Variants in P3H4 observed in about 807,000 individuals in gnomAD.
P3H4 encodes the protein prolyl 3-hydroxylase family member 4 (inactive), also known as endoplasmic reticulum protein SC65.
P3H4 carries 47 observed loss-of-function variants against 52.9 expected under a neutral mutation model. The ratio of observed to expected loss-of-function variants is 0.89; its 90% CI spans 0.70 to 1.13. The LOEUF is 1.13. P3H4 is among the 50% of genes most tolerant of loss of function. The probability of loss-of-function intolerance (pLI) is 0.00; values close to 1 mark genes in which losing one functional copy is unlikely to be tolerated. For missense variants in P3H4, 585 were observed against 611.0 expected (o/e 0.96, Z 0.45); for synonymous variants, 256 against 267.9 (o/e 0.96, Z 0.44).
intron 3 of P3H4, 52 bp from the exon 4 acceptor site, chr17:41,809,886 T>TC (rs1351543698): frequency 3.2e-6 from 5 of 1,583,320 alleles, no homozygotes; most frequent in Non-Finnish European, 4.3e-6. Context: ...AACATCTCCG[T>TC]CCCCCCAGTG....
In P3H4 at chr17:41,806,813, G is replaced by A. The variant is rs200185932; in HGVS notation, c.1129C>T (p.Leu377=). ...GCACTCACCTCATCATCTGACTGCA[G>A]GTACATGTGGGTGAACTCCAGCAGC... is the stretch of plus-strand genomic sequence containing the variant. ...RELLEFTHMY[L]QSDDEMELEE... is the part of the protein sequence containing the mutation. The change falls in exon 6 of 8, where the codon CTG becomes TTG. Residue 377 remains leucine, a synonymous_variant. Coordinates refer to ENST00000393928, the MANE Select transcript of P3H4 (RefSeq NM_006455.3). 2.1e-5 allele frequency: 34 copies of A among 1,613,654 alleles called. No homozygotes were observed. The highest frequency in any genetic ancestry group is 2.8e-5 in the Non-Finnish European group (33 of 1,179,854).
rs139455189 is a variant in P3H4 at position 41,806,686 on chromosome 17, G to A, written c.1146+110C>T. 2,090 of 858,634 alleles carry A rather than the reference G, an allele frequency of 2.4e-3. 19 individuals carry two copies. The highest frequency in any genetic ancestry group is 0.018 in the Middle Eastern group (74 of 4,022). 53.2% of individuals were successfully genotyped at this position (858,634 alleles called of 1,614,324 possible). A position where few individuals can be genotyped will look rare whatever the true frequency, so the allele number is the denominator to read the frequency against. On this transcript the variant is annotated intron_variant, in intron 6 of 7. Coordinates refer to ENST00000393928, the MANE Select transcript of P3H4 (RefSeq NM_006455.3). ...GAACAGGCAAACCTCTCTTCTTCAC[G>A]ACAGCTGACCACCAGGGGCTGGGGC...
At position 41,809,782 on chromosome 17, in the gene P3H4, G is replaced by A; in HGVS notation, c.840C>T (p.Thr280=). The A allele has an allele frequency of 2.5e-6, 4 of 1,613,860 alleles. No individual in the cohort carries two copies. The highest frequency in any genetic ancestry group is 3.4e-6 in the Non-Finnish European group (4 of 1,179,946). ...CCACGAAGTAGCCACCCACATTGGG[G>A]GTCAAATTGGCCTCACAGTCCACCT... is the stretch of plus-strand genomic sequence containing the variant. ...QCKVDCEANL[T]PNVGGYFVDK... Residue 280 remains threonine, a synonymous_variant, in exon 4 of 8, where the codon ACC becomes ACT. Transcript: ENST00000393928.
Position 41,810,970 on chromosome 17 carries a change from A to G in P3H4, c.680T>C (p.Met227Thr). The G allele has an allele frequency of 1.9e-6, 3 of 1,614,082 alleles. No homozygotes were observed. In the South Asian group the frequency reaches 3.3e-5, roughly 18 times the overall value. The change falls in exon 3 of 8, where the codon ATG (methionine) becomes ACG (threonine). Residue 227 changes from methionine (M) to threonine (T), a missense_variant. Physicochemically the swap from Met to Thr is moderately conservative, Grantham distance 81 (BLOSUM62 -1). Coordinates refer to ENST00000393928, the MANE Select transcript of P3H4 (RefSeq NM_006455.3). Reference protein sequence around the residue: ...SGDFRSSTEDMERALSEYLAV... With the variant: ...SGDFRSSTEDTERALSEYLAV... ...CAGGTACTCTGACAAGGCCCGCTCC[A>G]TGTCCTCCGTGCTGCTGCGGAAATC...
chr17:41,811,416 A>G lies in P3H4; in HGVS notation c.462+38T>C. The G allele has an allele frequency of 6.2e-7, 1 of 1,609,310 alleles. No homozygotes were observed. The highest frequency in any genetic ancestry group is 8.5e-7 in the Non-Finnish European group (1 of 1,177,688). ...CGATCTGTGGGGAGCCACGACGCCCAGCCCGAGACAGGTCCCCGGGTGGGG... is the reference window on the plus strand; with the variant it reads ...CGATCTGTGGGGAGCCACGACGCCCGGCCCGAGACAGGTCCCCGGGTGGGG... On this transcript the variant is annotated intron_variant, in intron 1 of 7. Transcript: ENST00000393928. The surrounding 1 kb of genome is among the most constrained non-coding windows in gnomAD (Gnocchi z 4.8).
At position 41,811,540 on chromosome 17, in the gene P3H4, A is replaced by G; in HGVS notation, c.376T>C (p.Phe126Leu). Residue 126 changes from phenylalanine to leucine, a missense_variant, in exon 1 of 8, where the codon TTC becomes CTC. Coordinates refer to ENST00000393928, the MANE Select transcript of P3H4 (RefSeq NM_006455.3). The surrounding 1 kb of genome is among the most constrained non-coding windows in gnomAD (Gnocchi z 4.8). ...TGCCGCGGCGGGTAGGGCACCTGGAAGGCGGGCAGCGTCCGCTTGCAGCGC... is the reference window on the plus strand; with the variant it reads ...TGCCGCGGCGGGTAGGGCACCTGGAGGGCGGGCAGCGTCCGCTTGCAGCGC... ...LRRCKRTLPA[F>L]QVPYPPRQLL... 6.2e-7 allele frequency: 1 copy of G among 1,610,570 alleles called. No homozygotes were observed. The highest frequency in any genetic ancestry group is 8.5e-7 in the Non-Finnish European group (1 of 1,179,178).
At chr17:41,803,208 A>T (rs1444527734) in intron 7 of P3H4, 79 bp downstream of exon 7, 1 of 1,542,238 alleles carries the variant, frequency 6.5e-7, no homozygotes, top group Non-Finnish European at 8.7e-7. Context: ...TGGGCTCCGG[A>T]GCCCAGCGGG....
rs1555613705 is a variant in P3H4 at position 41,802,979 on chromosome 17, T to C, written c.1292A>G (p.Glu431Gly). Residue 431 changes from glutamate to glycine, a missense_variant and splice_region_variant, in exon 8 of 8, where the codon GAG (glutamate) becomes GGG (glycine). Physicochemically the swap from Glu to Gly is moderately conservative, Grantham distance 98. Transcript: ENST00000393928. ...TTCTCATGCGAGTTCAGGCTCTGGC[T>C]CTGAAAAGGAAAGGAGAAAGCACTG... The part of the protein sequence containing the change: ...PDAKGDEAEA[E>G]PEPELA 1 of 1,610,786 alleles carries C rather than the reference T, an allele frequency of 6.2e-7. No individual in the cohort carries two copies. The highest frequency in any genetic ancestry group is 1.1e-5 in the South Asian group (1 of 90,564).
At chr17:41,805,743 G>C (rs117605968) in intron 6 of P3H4, among the ~76,000 whole-genome samples, 1 of 152,188 alleles carries the variant, frequency 6.6e-6, no homozygotes, top group Non-Finnish European at 1.5e-5. Flanking sequence ...CACCCAACTG[G>C]TAAGTAATGG....
In P3H4 at chr17:41,811,688, G is replaced by T. The variant is rs782292684; in HGVS notation, c.228C>A (p.Cys76Ter). 1.1e-4 allele frequency: 157 copies of T among 1,452,022 alleles called. No homozygotes were observed. Among genetic ancestry groups the T allele is most frequent in the Non-Finnish European group, 1.3e-4 (149 of 1,113,964 alleles). The allele number at this position is 1,452,022 out of a possible 1,614,324, so 89.9% of individuals were successfully genotyped here. ...HRLLRDSEAF[C>*]HANCSGPAPA... ...GCGCGGGGCCGCTGCAGTTGGCGTG[G>T]CAGAAGGCCTCGCTGTCGCGCAGGA... Residue 76 changes from cysteine to a stop codon, truncating the protein, a stop_gained, in exon 1 of 8, where the codon TGC becomes TGA. Transcript: ENST00000393928. LOFTEE classifies it high-confidence loss of function. This position sits in a 1 kb window ranked among gnomAD's most constrained non-coding sequence, Gnocchi z 4.8.
In P3H4 at chr17:41,811,313, G is replaced by A. The variant is rs2047733540; in HGVS notation, c.463-29C>T. Reference sequence around the variant, plus strand: ...GTCGGGGGGTAGGGGGTGGGGGAGCGGGTCAGCAAGACCGGAGCTCGCGGC... The same window carrying A: ...GTCGGGGGGTAGGGGGTGGGGGAGCAGGTCAGCAAGACCGGAGCTCGCGGC... On this transcript the variant is annotated intron_variant, in intron 1 of 7. Coordinates refer to ENST00000393928, the MANE Select transcript of P3H4 (RefSeq NM_006455.3). The surrounding 1 kb of genome is among the most constrained non-coding windows in gnomAD (Gnocchi z 4.8). 2 of 1,610,730 alleles carry A rather than the reference G, an allele frequency of 1.2e-6. No homozygotes were observed. The highest frequency in any genetic ancestry group is 2.2e-5 in the South Asian group (2 of 91,020).
In P3H4 at chr17:41,811,704, T is replaced by C. The variant is rs2144034995; in HGVS notation, c.212A>G (p.Asp71Gly). ...AALRLHRLLRDSEAFCHANCS... is the reference protein window; with the variant it reads ...AALRLHRLLRGSEAFCHANCS... ...GTTGGCGTGGCAGAAGGCCTCGCTGTCGCGCAGGAGCCGGTGCAGCCGCAG... is the reference window on the plus strand; with the variant it reads ...GTTGGCGTGGCAGAAGGCCTCGCTGCCGCGCAGGAGCCGGTGCAGCCGCAG... The change falls in exon 1 of 8, where the codon GAC becomes GGC. Residue 71 changes from aspartate (D) to glycine (G), a missense_variant. Coordinates refer to ENST00000393928, the MANE Select transcript of P3H4 (RefSeq NM_006455.3). This position sits in a 1 kb window ranked among gnomAD's most constrained non-coding sequence, Gnocchi z 4.8. 6.8e-7 allele frequency: 1 copy of C among 1,475,664 alleles called. No individual in the cohort carries two copies. The highest frequency in any genetic ancestry group is 2.5e-5 in the Admixed American group (1 of 39,376). 91.4% of individuals were successfully genotyped at this position (1,475,664 alleles called of 1,614,324 possible).
intron 3 of P3H4, 176 bp downstream of exon 3, chr17:41,810,687 G>A: frequency 1.5e-6 from 1 of 688,766 alleles, no homozygotes; most frequent in South Asian, 2.0e-5. Flanking sequence ...CACTGATCCA[G>A]CCCCTTGGAC....
rs782552414 is a variant in P3H4 at position 41,811,443 on chromosome 17, C to T, written c.462+11G>A. On this transcript the variant is annotated intron_variant, in intron 1 of 7. Transcript: ENST00000393928. The surrounding 1 kb of genome is among the most constrained non-coding windows in gnomAD (Gnocchi z 4.8). The stretch of plus-strand genomic sequence containing the variant: ...CCCGAGACAGGTCCCCGGGTGGGGG[C>T]GGGCTCCCACCTTGAACAGCGCGTA... 1 of 1,611,620 alleles carries T rather than the reference C, an allele frequency of 6.2e-7. No homozygotes were observed. Among genetic ancestry groups the T allele is most frequent in the South Asian group, 1.1e-5 (1 of 91,008 alleles).
At chr17:41,807,826 T>C in intron 5 of P3H4, 33 bp downstream of exon 5, 1 of 1,602,664 alleles carries the variant, frequency 6.2e-7, no homozygotes, top group Non-Finnish European at 8.5e-7. Context: ...ACAAAGTGCA[T>C]ATCCAGCAAG....
Position 41,811,247 on chromosome 17 carries a change from G to A in P3H4, c.500C>T (p.Thr167Ile), listed in dbSNP as rs781946892. Reference protein sequence around the residue: ...RLEKAVAAAYTFLQRNPKHEL... With the variant: ...RLEKAVAAAYIFLQRNPKHEL... Reference sequence around the variant, plus strand: ...GTGCTTCGGGTTCCTCTGGAGGAAGGTGTAGGCCGCCGCCACCGCCTTCTC... The same window carrying A: ...GTGCTTCGGGTTCCTCTGGAGGAAGATGTAGGCCGCCGCCACCGCCTTCTC... Residue 167 changes from threonine to isoleucine, a missense_variant, in exon 2 of 8, where the codon ACC becomes ATC. Physicochemically the swap from Thr to Ile is moderately conservative, Grantham distance 89 (BLOSUM62 -1). Transcript: ENST00000393928. This position sits in a 1 kb window ranked among gnomAD's most constrained non-coding sequence, Gnocchi z 4.8. 1.9e-6 allele frequency: 3 copies of A among 1,613,832 alleles called. No individual in the cohort carries two copies. The highest frequency in any genetic ancestry group is 1.3e-5 in the African/African-American group (1 of 75,058).
At chr17:41,807,720 G>C (rs983700389) in intron 5 of P3H4, 139 bp downstream of exon 5, 102 of 1,071,912 alleles carry the variant, frequency 9.5e-5, no homozygotes, top group Non-Finnish European at 1.3e-4. Context: ...GGATGGTCCT[G>C]ATCTCCTGAC....
Position 41,811,836 on chromosome 17 carries a change from C to A in P3H4, c.80G>T (p.Gly27Val). ...CGGCATCAGGTCCTCGGGCGGGAAG[C>A]CCCGGAAGCTGTACTTCTCGTACTG... is the stretch of plus-strand genomic sequence containing the variant. ...GAQYEKYSFR[G>V]FPPEDLMPLA... The change falls in exon 1 of 8, where the codon GGC becomes GTC. Residue 27 changes from glycine to valine, a missense_variant. By Grantham distance (109) the Gly-to-Val change is moderately radical. Transcript: ENST00000393928. This position sits in a 1 kb window ranked among gnomAD's most constrained non-coding sequence, Gnocchi z 4.8. 3.9e-6 allele frequency: 6 copies of A among 1,548,506 alleles called. No homozygotes were observed. Among genetic ancestry groups the A allele is most frequent in the Non-Finnish European group, 5.2e-6 (6 of 1,158,066 alleles).
chr17:41,806,927 C>T (rs1039358374), intron 5 of P3H4, 48 bp from the exon 6 acceptor site: 2 of 1,486,876 alleles, frequency 1.3e-6, no homozygotes, highest in African/African-American at 2.8e-5. Flanking sequence ...ACCCTGTTGC[C>T]AGATGGCAAG....
Sources: gnomAD v4.1 joint callset for allele counts (sites outside exome capture counted in the v4.1 genomes callset) on GRCh38, gnomAD v4.1.1 for gene constraint, Gnocchi (gnomAD v3.1) non-coding constraint, MANE v1.5 for transcripts, NCBI Gene and HGNC (gene_info 2026-07-23, HGNC 2026-07-21) for gene names.